The following TNIK variants were observed in gnomAD, a reference collection of about 807,000 sequenced individuals.
The protein encoded by TNIK is TRAF2 and NCK interacting kinase.
In TNIK, 49 loss-of-function variants were observed where a neutral mutation model predicts 191.3. The ratio of observed to expected loss-of-function variants is 0.26; its 90% CI spans 0.20 to 0.32. The LOEUF is 0.32. Ranked by LOEUF, TNIK falls within the 10% of genes least tolerant of loss-of-function variation. TNIK has a pLI of 1.00. For missense variants in TNIK, 1,155 were observed against 1,702.3 expected, an observed-to-expected ratio of 0.68 and a Z score of 5.66; for synonymous variants, 594 against 600.9, an observed-to-expected ratio of 0.99 and a Z score of 0.17.
chr3:171,389,984 A>G (rs1171294978), intron 1 of TNIK, among the ~76,000 whole-genome samples: 2 of 152,216 alleles, frequency 1.3e-5, no homozygotes, highest in African/African-American at 2.4e-5. Context: ...CTTCATATAC[A>G]ATACAACATG....
rs1712542679 is a variant in TNIK at position 171,348,002 on chromosome 3, G to T, written c.123+21618C>A. Among the ~76,000 whole-genome samples the T allele has an allele frequency of 2.6e-5, 4 of 151,352 alleles. No homozygotes were observed. In the Middle Eastern group the frequency reaches 0.01, roughly 389 times the overall value. ...TCTTCTACCATCTTCTAAAGAATCT[G>T]CATGGACTTACTTATTCACTGTTAA... On this transcript the variant is annotated intron_variant, in intron 2 of 32. Coordinates refer to ENST00000436636, the MANE Select transcript of TNIK (RefSeq NM_015028.4).
rs1324385347 is a variant in TNIK, at chr3:171,085,128, T to C, written c.2988A>G (p.Ser996=). The C allele has an allele frequency of 6.2e-7, 1 of 1,608,698 alleles. No individual in the cohort carries two copies. The highest frequency in any genetic ancestry group is 1.3e-5 in the African/African-American group (1 of 75,006). ...PTDEDEEDEE[S]SAAALFTSEL... Reference sequence around the variant, plus strand: ...GCCCTTCTTGCTTACCTGCGGCTGATGATTCCTCATCCTCTTCATCTTCAT... The same window carrying C: ...GCCCTTCTTGCTTACCTGCGGCTGACGATTCCTCATCCTCTTCATCTTCAT... Residue 996 remains serine (S), a synonymous_variant, in exon 25 of 33, where the codon TCA becomes TCG. Transcript: ENST00000436636.
At chr3:171,170,592 G>GAATT (rs894392524) in intron 9 of TNIK, among the ~76,000 whole-genome samples, 32 of 152,282 alleles carry the variant, frequency 2.1e-4, no homozygotes, top group Admixed American at 7.8e-4. Flanking sequence ...TATGATAAGT[G>GAATT]AATTAATTCA....
intron 2 of TNIK, among the ~76,000 whole-genome samples, chr3:171,342,192 G>C (rs566528204): frequency 1.3e-5 from 2 of 152,192 alleles, no homozygotes; most frequent in Admixed American, 6.5e-5. Flanking sequence ...TGGAGGGTTT[G>C]TTACCCACAA....
chr3:171,220,587 G>A (rs1424203217), intron 3 of TNIK, among the ~76,000 whole-genome samples: 10 of 152,080 alleles, frequency 6.6e-5, no homozygotes, highest in Non-Finnish European at 1.5e-4. Flanking sequence ...TGCAGAAGGA[G>A]ACCTTGTGTT....
At chr3:171,090,826 G>T (rs1055920781) in intron 23 of TNIK, among the ~76,000 whole-genome samples, 1 of 152,178 alleles carries the variant, frequency 6.6e-6, no homozygotes, top group African/African-American at 2.4e-5. Flanking sequence ...GGGGAAATTT[G>T]TGCATCTGAC....
intron 19 of TNIK, among the ~76,000 whole-genome samples, chr3:171,109,320 T>C (rs969340817): frequency 4.6e-5 from 7 of 152,126 alleles, no homozygotes; most frequent in African/African-American, 1.7e-4. Context: ...AGCCACTACA[T>C]CTGGTAGTTT....
At chr3:171,131,773 G>A (rs1729329333) in intron 15 of TNIK, among the ~76,000 whole-genome samples, 1 of 152,192 alleles carries the variant, frequency 6.6e-6, no homozygotes, top group Admixed American at 6.5e-5. Context: ...CTTAAGAACT[G>A]GAGCAAAGGA....
intron 1 of TNIK, among the ~76,000 whole-genome samples, chr3:171,411,703 G>A (rs1224263721): frequency 6.6e-6 from 1 of 152,170 alleles, no homozygotes; most frequent in Non-Finnish European, 1.5e-5. Context: ...TTTTAAATCA[G>A]GATGAGAAAT....
chr3:171,302,602 G>T (rs1180743702), intron 2 of TNIK, among the ~76,000 whole-genome samples: 1 of 152,174 alleles, frequency 6.6e-6, no homozygotes, highest in African/African-American at 2.4e-5. Context: ...TTTGAATTAT[G>T]AATTCTTTGC....
chr3:171,342,141 G>T (rs1217800606), intron 2 of TNIK, among the ~76,000 whole-genome samples: 1 of 152,144 alleles, frequency 6.6e-6, no homozygotes, highest in Non-Finnish European at 1.5e-5. Flanking sequence ...AAACTATAAA[G>T]CTTTTAAAGC....
Position 171,169,450 on chromosome 3 carries a change from T to G in TNIK, c.774-2180A>C, listed in dbSNP as rs1250419551. On this transcript the variant is annotated intron_variant, in intron 9 of 32. Transcript: ENST00000436636. The stretch of plus-strand genomic sequence containing the variant: ...ACCTGGATAATTTTTGTATTTTTAG[T>G]AGAGACAGGGTTTTGCCATGTTGAC... Among the ~76,000 whole-genome samples the G allele has an allele frequency of 3.3e-5, 5 of 152,120 alleles. No individual in the cohort carries two copies. In the East Asian group the frequency reaches 9.6e-4, roughly 29 times the overall value.
intron 1 of TNIK, among the ~76,000 whole-genome samples, chr3:171,439,073 A>T (rs1232528716): frequency 6.6e-6 from 1 of 152,224 alleles, no homozygotes; most frequent in African/African-American, 2.4e-5. Context: ...AGCCAGGCAC[A>T]GTGGCTCACG....
chr3:171,298,490 T>A (rs10154882), intron 2 of TNIK, among the ~76,000 whole-genome samples: 1 of 152,016 alleles, frequency 6.6e-6, no homozygotes, highest in Non-Finnish European at 1.5e-5. Flanking sequence ...TCACGTGATA[T>A]AGTTCTGACC....
intron 4 of TNIK, among the ~76,000 whole-genome samples, chr3:171,206,915 T>G (rs1295052000): frequency 6.6e-6 from 1 of 152,200 alleles, no homozygotes; most frequent in Non-Finnish European, 1.5e-5. Context: ...CTTTTCTATC[T>G]GGCCCATCTC....
chr3:171,206,704 G>A (rs1207954406), intron 4 of TNIK, among the ~76,000 whole-genome samples: 1 of 151,972 alleles, frequency 6.6e-6, no homozygotes, highest in African/African-American at 2.4e-5. Context: ...TGAGGCCCGG[G>A]GAAAGTCAAT....
At chr3:171,386,404 A>G (rs1041970893) in intron 1 of TNIK, among the ~76,000 whole-genome samples, 9 of 152,224 alleles carry the variant, frequency 5.9e-5, no homozygotes, top group Admixed American at 3.3e-4. Context: ...TTAAACATGA[A>G]TAAGTTTGTA....
At chr3:171,168,946 G>A (rs1457542724) in intron 9 of TNIK, among the ~76,000 whole-genome samples, 1 of 152,326 alleles carries the variant, frequency 6.6e-6, no homozygotes, top group East Asian at 1.9e-4. Flanking sequence ...AGAAAGGGAG[G>A]TTTGGAGAGC....
At chr3:171,369,036 C>CT (rs1716135449) in intron 2 of TNIK, among the ~76,000 whole-genome samples, 1 of 151,672 alleles carries the variant, frequency 6.6e-6, no homozygotes, top group Admixed American at 6.6e-5. Flanking sequence ...TTTAAAAACA[C>CT]TTTTTGAGTG....
Sources: gnomAD v4.1 joint callset for allele counts (sites outside exome capture counted in the v4.1 genomes callset) on GRCh38, gnomAD v4.1.1 for gene constraint, MANE v1.5 for transcripts, NCBI Gene and HGNC (gene_info 2026-07-23, HGNC 2026-07-21) for gene names.